The following ZNF248 variants were observed in gnomAD, a reference collection of about 807,000 sequenced individuals.
ZNF248 encodes the protein zinc finger protein 248.
ZNF248 carries 20 observed loss-of-function variants against 44.3 expected under a neutral mutation model. The ratio of observed to expected loss-of-function variants is 0.45; its 90% CI spans 0.32 to 0.66. ZNF248 has a LOEUF of 0.66. Ranked by LOEUF, ZNF248 falls within the 30% of genes least tolerant of loss-of-function variation. ZNF248 has a pLI of 0.04. For synonymous variants in ZNF248, 224 were observed against 229.0 expected, an observed-to-expected ratio of 0.98 and a Z score of 0.20; for missense variants, 654 against 677.0, an observed-to-expected ratio of 0.97 and a Z score of 0.38.
intron 6 of ZNF248, among the ~76,000 whole-genome samples, chr10:37,788,317 A>G (rs1435260068): frequency 2.0e-5 from 3 of 151,058 alleles, no homozygotes; most frequent in African/African-American, 7.3e-5. Flanking sequence ...GACATTTATC[A>G]AAGAAAATAT....
intron 3 of ZNF248, 122 bp downstream of exon 3, chr10:37,856,174 T>C (rs2061249600): frequency 6.0e-6 from 7 of 1,164,700 alleles, no homozygotes; most frequent in Non-Finnish European, 8.5e-6. Context: ...GCTACTTCAG[T>C]TTTATTTCCC....
chr10:37,782,545 A>C (rs1375061483), intron 6 of ZNF248, among the ~76,000 whole-genome samples: 1 of 152,134 alleles, frequency 6.6e-6, no homozygotes, highest in Non-Finnish European at 1.5e-5. Context: ...GGTACCTGTG[A>C]ATGTAACTTT....
At chr10:37,800,588 A>G (rs1036486528) in intron 6 of ZNF248, among the ~76,000 whole-genome samples, 1 of 152,108 alleles carries the variant, frequency 6.6e-6, no homozygotes, top group African/African-American at 2.4e-5. Context: ...ATATGTGTGC[A>G]TGTGTCTTTA....
At chr10:37,770,723 A>T in the ZNF248 span, among the ~76,000 whole-genome samples, 1 of 152,256 alleles carries the variant, frequency 6.6e-6, no homozygotes, top group Non-Finnish European at 1.5e-5. Context: ...GAAGGACTTC[A>T]TGTCTAAAAC....
the ZNF248 span, among the ~76,000 whole-genome samples, chr10:37,770,643 A>G: frequency 6.6e-6 from 1 of 152,364 alleles, no homozygotes; most frequent in Middle Eastern, 3.4e-3. Flanking sequence ...AAAGACTTAC[A>G]TGTTAGACCT....
At chr10:37,778,659 T>G (rs1225651979) in intron 6 of ZNF248, among the ~76,000 whole-genome samples, 1 of 152,168 alleles carries the variant, frequency 6.6e-6, no homozygotes, top group Non-Finnish European at 1.5e-5. Flanking sequence ...TTTTATGGTT[T>G]CAGGTCTAAC....
chr10:37,820,218 T>C, intron 6 of ZNF248: 2 of 1,322,612 alleles, frequency 1.5e-6, no homozygotes, highest in Non-Finnish European at 1.1e-6. Flanking sequence ...GAGGTCGGAC[T>C]GGGTCTGTCT....
intron 6 of ZNF248, among the ~76,000 whole-genome samples, chr10:37,815,493 GTT>G (rs1205862686): frequency 6.6e-6 from 1 of 151,870 alleles, no homozygotes; most frequent in Non-Finnish European, 1.5e-5. Flanking sequence ...TCCAGAATTT[GTT>G]TTCTCTATCT....
chr10:37,824,977 C>T (rs1424956143), downstream of ZNF248, among the ~76,000 whole-genome samples: 7 of 151,024 alleles, frequency 4.6e-5, no homozygotes, highest in Non-Finnish European at 1.0e-4. Context: ...CGTGAGCCAC[C>T]GCACCCAGCC....
chr10:37,795,348 A>C (rs896992891), intron 6 of ZNF248: 3 of 152,200 alleles, frequency 2.0e-5, no homozygotes, highest in African/African-American at 7.2e-5. Context: ...TGTTTGATAT[A>C]ATTTTTTTGA....
chr10:37,780,056 G>A (rs1372302728), intron 6 of ZNF248, among the ~76,000 whole-genome samples: 1 of 150,022 alleles, frequency 6.7e-6, no homozygotes, highest in Non-Finnish European at 1.5e-5. Context: ...CTCATGGGTA[G>A]GAAGAATCAA....
At chr10:37,764,389 C>A in the ZNF248 span, among the ~76,000 whole-genome samples, 1 of 152,142 alleles carries the variant, frequency 6.6e-6, no homozygotes, top group Admixed American at 6.5e-5. Flanking sequence ...ACAATGCGTG[C>A]CCGAAACTTC....
chr10:37,853,959 T>C (rs558620421), intron 3 of ZNF248, among the ~76,000 whole-genome samples: 1 of 152,258 alleles, frequency 6.6e-6, no homozygotes, highest in African/African-American at 2.4e-5. Flanking sequence ...ACCCACTCTC[T>C]AAAGTCGTAA....
chr10:37,802,071 C>A (rs996171801), intron 6 of ZNF248, among the ~76,000 whole-genome samples: 6 of 152,200 alleles, frequency 3.9e-5, no homozygotes, highest in African/African-American at 1.4e-4. Flanking sequence ...ACTGACTTTG[C>A]TCAGTTACTG....
chr10:37,823,088 C>A (rs550068304), intron 6 of ZNF248, among the ~76,000 whole-genome samples: 56 of 152,142 alleles, frequency 3.7e-4, no homozygotes, highest in African/African-American at 1.3e-3. Flanking sequence ...GTAATCCCAG[C>A]ACTTTGGGAG....
Position 37,810,289 on chromosome 10 carries a change from T to C in ZNF248, c.330+22736A>G, listed in dbSNP as rs1420105898. On this transcript the variant is annotated intron_variant, in intron 6 of 6. Transcript: ENST00000615949. ...GACATATTGAAGTTTCCAACTATTATAGTAGAACTGTCTATTTTACCCTTT... is the reference window on the plus strand; with the variant it reads ...GACATATTGAAGTTTCCAACTATTACAGTAGAACTGTCTATTTTACCCTTT... Among the ~76,000 whole-genome samples, 4 of 152,246 alleles carry C rather than the reference T, an allele frequency of 2.6e-5. No individual in the cohort carries two copies. The East Asian group carries it at 7.7e-4, about 29-fold the overall frequency.
At position 37,832,963 on chromosome 10, in the gene ZNF248, G is replaced by A; in HGVS notation, c.392C>T (p.Ser131Phe). 6.2e-7 allele frequency: 1 copy of A among 1,613,618 alleles called. No individual in the cohort carries two copies. The highest frequency in any genetic ancestry group is 8.5e-7 in the Non-Finnish European group (1 of 1,179,770). The change falls in exon 6 of 6, where the codon TCT becomes TTT. Residue 131 changes from serine (S) to phenylalanine (F), a missense_variant. Transcript: ENST00000395867. ...TATTTTATAGGGATAATTTCTTAAA[G>A]AAACAGGGTCTGTGCCCAAATTGAA... ...KTFNLGTDPV[S>F]LRNYPYKICD...
intron 5 of ZNF248, among the ~76,000 whole-genome samples, chr10:37,834,452 T>G (rs555640288): frequency 4.1e-4 from 63 of 152,190 alleles, no homozygotes; most frequent in African/African-American, 1.4e-3. Flanking sequence ...TTAGGAAGAG[T>G]ATCATAGAAT....
At chr10:37,766,990 G>C in the ZNF248 span, among the ~76,000 whole-genome samples, 4 of 152,088 alleles carry the variant, frequency 2.6e-5, no homozygotes, top group African/African-American at 9.7e-5. Flanking sequence ...GAAGTCTCAG[G>C]AGCCGATGCA....
Sources: allele counts gnomAD v4.1 joint callset (sites outside exome capture counted in the v4.1 genomes callset), GRCh38; gene constraint gnomAD v4.1.1; transcripts MANE v1.5; gene names NCBI Gene and HGNC (gene_info 2026-07-23, HGNC 2026-07-21).